NELL2: variants seen among roughly 807,000 people sequenced by gnomAD.
NELL2 encodes protein kinase C-binding protein NELL2.
A neutral mutation model predicts 109.6 loss-of-function variants in NELL2; 41 were observed. The observed-to-expected ratio is 0.37, with a 90% confidence interval of 0.29 to 0.49. The LOEUF is 0.49. NELL2 is among the 20% of genes least tolerant of loss of function. The pLI is 0.98. For synonymous variants in NELL2, 355 were observed against 344.7 expected (o/e 1.03, Z -0.33); for missense variants, 900 against 1,008.3 (o/e 0.89, Z 1.45).
chr12:44,526,215 G>T (rs1941765921), intron 16 of NELL2, among the ~76,000 whole-genome samples: 1 of 152,070 alleles, frequency 6.6e-6, no homozygotes, highest in African/African-American at 2.4e-5. Flanking sequence ...AAAGAGATTT[G>T]AATGGATTAG....
intron 2 of NELL2, among the ~76,000 whole-genome samples, chr12:44,867,804 AC>A (rs932702536): frequency 3.3e-5 from 5 of 152,064 alleles, no homozygotes; most frequent in Non-Finnish European, 5.9e-5. Context: ...CAATATACAA[AC>A]AAAAAGTAGT....
chr12:44,637,561 A>C (rs1164549316), intron 13 of NELL2, among the ~76,000 whole-genome samples: 1 of 143,704 alleles, frequency 7.0e-6, no homozygotes, highest in East Asian at 2.1e-4. Flanking sequence ...AGATAACCTT[A>C]TGATCTAAAG....
intron 13 of NELL2, among the ~76,000 whole-genome samples, chr12:44,621,630 C>A (rs1946064321): frequency 6.6e-6 from 1 of 151,816 alleles, no homozygotes; most frequent in Admixed American, 6.6e-5. Flanking sequence ...CAAATGAATT[C>A]TAAAAAATAA....
chr12:44,874,924 T>A (rs1472399053), intron 2 of NELL2: 1 of 261,480 alleles, frequency 3.8e-6, no homozygotes, highest in Non-Finnish European at 7.3e-6. Context: ...GCGTTTGTGT[T>A]ATAATTCATT....
At chr12:44,803,450 T>C (rs912756431) in intron 3 of NELL2, among the ~76,000 whole-genome samples, 1 of 151,982 alleles carries the variant, frequency 6.6e-6, no homozygotes, top group East Asian at 1.9e-4. Flanking sequence ...TTAAAGGTGA[T>C]GAAGTGTCTT....
At chr12:44,702,515 C>T (rs1239596087) in intron 12 of NELL2, among the ~76,000 whole-genome samples, 2 of 152,066 alleles carry the variant, frequency 1.3e-5, no homozygotes, top group Admixed American at 6.6e-5. Context: ...TCATGTTATA[C>T]ATATAAACTA....
intron 15 of NELL2, among the ~76,000 whole-genome samples, chr12:44,565,956 T>C (rs557594210): frequency 5.9e-5 from 9 of 152,262 alleles, no homozygotes; most frequent in East Asian, 1.9e-4. Flanking sequence ...AGGATAGTGA[T>C]TGGTCTCCTC....
At chr12:44,682,800 C>T (rs1948568449) in intron 12 of NELL2, among the ~76,000 whole-genome samples, 1 of 152,146 alleles carries the variant, frequency 6.6e-6, no homozygotes, top group Non-Finnish European at 1.5e-5. Flanking sequence ...GTACCAGTAC[C>T]ATGCTGTTTT....
intron 18 of NELL2, among the ~76,000 whole-genome samples, chr12:44,520,649 C>T (rs904084130): frequency 6.6e-6 from 1 of 151,900 alleles, no homozygotes; most frequent in African/African-American, 2.4e-5. Flanking sequence ...AATGTTTTGT[C>T]CATTTACAAG....
intron 15 of NELL2, among the ~76,000 whole-genome samples, chr12:44,603,121 A>G (rs948051549): frequency 6.6e-6 from 1 of 152,146 alleles, no homozygotes; most frequent in Non-Finnish European, 1.5e-5. Context: ...TGCAACTTAA[A>G]TTTATATTCA....
intron 1 of NELL2, among the ~76,000 whole-genome samples, chr12:44,890,112 T>G (rs1945517015): frequency 6.6e-6 from 1 of 152,218 alleles, no homozygotes; most frequent in Non-Finnish European, 1.5e-5. Context: ...CAGGAATAAA[T>G]GCCCCTAGAG....
intron 9 of NELL2, among the ~76,000 whole-genome samples, chr12:44,726,266 G>A (rs1702486434): frequency 6.6e-6 from 1 of 152,050 alleles, no homozygotes; most frequent in East Asian, 1.9e-4. Flanking sequence ...AAATCATCAG[G>A]AACTCCGCTA....
intron 13 of NELL2, among the ~76,000 whole-genome samples, chr12:44,634,396 C>G (rs931436347): frequency 4.0e-5 from 6 of 150,834 alleles, no homozygotes; most frequent in African/African-American, 1.5e-4. Flanking sequence ...TTGTTCAACA[C>G]CCACTTATTA....
At chr12:44,810,227 T>C (rs183945275) in intron 3 of NELL2, among the ~76,000 whole-genome samples, 14 of 152,138 alleles carry the variant, frequency 9.2e-5, no homozygotes, top group Middle Eastern at 3.2e-3. Flanking sequence ...TCATGACAGA[T>C]GTAATAGAGT....
At chr12:44,542,144 G>A (rs550704055) in intron 15 of NELL2, among the ~76,000 whole-genome samples, 17 of 152,154 alleles carry the variant, frequency 1.1e-4, no homozygotes, top group Middle Eastern at 6.8e-3. Flanking sequence ...ATGATATAGC[G>A]CAGTAAAATA....
At chr12:44,796,936 G>C (rs1942644424) in intron 3 of NELL2, among the ~76,000 whole-genome samples, 1 of 151,978 alleles carries the variant, frequency 6.6e-6, no homozygotes, top group Non-Finnish European at 1.5e-5. Flanking sequence ...GATGAGGCCA[G>C]CAAAACACAA....
chr12:44,710,298 T>C (rs1938125257), intron 11 of NELL2, among the ~76,000 whole-genome samples: 1 of 152,178 alleles, frequency 6.6e-6, no homozygotes, highest in Admixed American at 6.6e-5. Context: ...TTTGCATCAA[T>C]ATAAAGGTCA....
intron 15 of NELL2, among the ~76,000 whole-genome samples, chr12:44,547,837 T>C (rs1418971392): frequency 2.6e-5 from 4 of 152,204 alleles, no homozygotes; most frequent in Non-Finnish European, 5.9e-5. Context: ...ACTTTCTCTT[T>C]CTGGAATACA....
intron 9 of NELL2, among the ~76,000 whole-genome samples, chr12:44,721,037 C>A (rs1231460666): frequency 6.6e-6 from 1 of 152,142 alleles, no homozygotes; most frequent in Non-Finnish European, 1.5e-5. Context: ...AGCAAAAATT[C>A]AAGCACCCTG....
Sources: gnomAD v4.1 joint callset for allele counts (sites outside exome capture counted in the v4.1 genomes callset) on GRCh38, gnomAD v4.1.1 for gene constraint, MANE v1.5 for transcripts, NCBI Gene and HGNC (gene_info 2026-07-23, HGNC 2026-07-21) for gene names.